METTL8: variants seen among roughly 807,000 people sequenced by gnomAD.
The protein encoded by METTL8 is methyltransferase 8, tRNA N3-cytidine.
A neutral mutation model predicts 48.7 loss-of-function variants in METTL8; 32 were observed. The ratio of observed to expected loss-of-function variants is 0.66; its 90% CI spans 0.50 to 0.88. The LOEUF is 0.88. METTL8 is among the 40% of genes least tolerant of loss of function. METTL8 has a pLI of 0.00. For synonymous variants in METTL8, 136 were observed against 157.1 expected (o/e 0.87, Z 1.01); for missense variants, 464 against 474.4 (o/e 0.98, Z 0.20).
At chr2:171,369,548 G>T (rs539979204) in intron 2 of METTL8, among the ~76,000 whole-genome samples, 1 of 152,154 alleles carries the variant, frequency 6.6e-6, no homozygotes, top group South Asian at 2.1e-4. Context: ...TATTGTTTTG[G>T]AATTAATAAA....
chr2:171,405,647 G>T (rs1690098271), intron 1 of METTL8, among the ~76,000 whole-genome samples: 1 of 152,052 alleles, frequency 6.6e-6, no homozygotes, highest in African/African-American at 2.4e-5. Flanking sequence ...GAGTATCATT[G>T]TAGGATGAGA....
rs147273229 is a variant in METTL8, at chr2:171,394,022, T to C, written c.-12-1825A>G. On this transcript the variant is annotated intron_variant, in intron 1 of 9. Transcript: ENST00000375258. ...TGCAGATGCTCCTGTTTCTTATTTG[T>C]TTTCCTTCTCCAGTAAATGCAAGCT... Among the ~76,000 whole-genome samples the C allele has an allele frequency of 9.1e-4, 138 of 152,314 alleles. 1 individual carries two copies. The highest frequency in any genetic ancestry group is 1.5e-3 in the Non-Finnish European group (103 of 68,022).
rs1483785003 is a variant in METTL8, at chr2:171,322,517, A to G, written c.*1655T>C. The G allele has an allele frequency of 6.6e-6, 1 of 151,346 alleles. No individual in the cohort carries two copies. The highest frequency in any genetic ancestry group is 1.5e-5 in the Non-Finnish European group (1 of 67,854). 9.4% of individuals were successfully genotyped at this position (151,346 alleles called of 1,614,324 possible). A position where few individuals can be genotyped will look rare whatever the true frequency, so the allele number is the denominator to read the frequency against. ...TTTGGGAGGCCGAGGCGGGCGGATC[A>G]CAAGGTCAGGAGATTGAGACCATCC... On this transcript the variant is annotated 3_prime_UTR_variant, in exon 10 of 10. Transcript: ENST00000375258.
At chr2:171,403,607 A>G (rs1689852276) in intron 1 of METTL8, among the ~76,000 whole-genome samples, 1 of 152,282 alleles carries the variant, frequency 6.6e-6, no homozygotes, top group Non-Finnish European at 1.5e-5. Flanking sequence ...ATGTATCAAT[A>G]TTGGTTCATT....
intron 2 of METTL8, among the ~76,000 whole-genome samples, chr2:171,377,393 T>G (rs1458348478): frequency 2.0e-5 from 3 of 152,110 alleles, no homozygotes; most frequent in Non-Finnish European, 4.4e-5. Context: ...AAATCAGACC[T>G]AGTTAAGCTG....
At chr2:171,429,833 A>C (rs1033177349) in intron 1 of METTL8, among the ~76,000 whole-genome samples, 1 of 152,146 alleles carries the variant, frequency 6.6e-6, no homozygotes, top group Admixed American at 6.5e-5. Flanking sequence ...TGAGGTCAGG[A>C]GTTTGAGACC....
intron 3 of METTL8, among the ~76,000 whole-genome samples, chr2:171,344,991 TG>T (rs1687129372): frequency 6.6e-6 from 1 of 152,300 alleles, no homozygotes; most frequent in South Asian, 2.1e-4. Context: ...TAATATAGCG[TG>T]GAGAAATCTG....
Position 171,320,341 on chromosome 2 carries a change from T to G in METTL8, c.*3831A>C, listed in dbSNP as rs1331298191. On this transcript the variant is annotated 3_prime_UTR_variant, in exon 10 of 10. Coordinates refer to ENST00000375258, the MANE Select transcript of METTL8 (RefSeq NM_001321154.2). The stretch of plus-strand genomic sequence containing the variant: ...TTTGTGTCTCACAGTCCAAATTTGG[T>G]TGATGTATTTTTGAAGCTTCTAAAG... The G allele has an allele frequency of 6.6e-6, 1 of 152,168 alleles. No homozygotes were observed. The highest frequency in any genetic ancestry group is 2.1e-4 in the South Asian group (1 of 4,824). 9.4% of individuals were successfully genotyped at this position (152,168 alleles called of 1,614,324 possible). A position where few individuals can be genotyped will look rare whatever the true frequency, so the allele number is the denominator to read the frequency against.
Position 171,331,863 on chromosome 2 carries a change from A to C in METTL8, c.661T>G (p.Ser221Ala). 6.3e-7 allele frequency: 1 copy of C among 1,593,442 alleles called. No individual in the cohort carries two copies. Among genetic ancestry groups the C allele is most frequent in the Non-Finnish European group, 8.6e-7 (1 of 1,168,350 alleles). The change falls in exon 6 of 10, where the codon TCT (serine) becomes GCT (alanine). Residue 221 changes from serine (S) to alanine (A), a missense_variant. By Grantham distance (99) the Ser-to-Ala change is moderately conservative. Coordinates refer to ENST00000375258, the MANE Select transcript of METTL8 (RefSeq NM_001321154.2). ...CAACAATACAGAAAGGACTCCGGAGAGTTCCTATGAAGATGGAAGAAATAT... is the reference window on the plus strand; with the variant it reads ...CAACAATACAGAAAGGACTCCGGAGCGTTCCTATGAAGATGGAAGAAATAT... ...VFPILNTLEN[S>A]PESFLYCCDF...
intron 3 of METTL8, among the ~76,000 whole-genome samples, chr2:171,355,741 C>T (rs1294442724): frequency 1.3e-5 from 2 of 152,206 alleles, no homozygotes; most frequent in Non-Finnish European, 2.9e-5. Context: ...ATGAGCGAGG[C>T]TCCGTGGGCG....
intron 1 of METTL8, among the ~76,000 whole-genome samples, chr2:171,417,228 A>G (rs1279930669): frequency 6.6e-6 from 1 of 152,216 alleles, no homozygotes; most frequent in African/African-American, 2.4e-5. Context: ...GGGATTCTCA[A>G]GTTCTGGTCC....
chr2:171,391,944 C>A, intron 2 of METTL8, 99 bp downstream of exon 2: 1 of 1,219,282 alleles, frequency 8.2e-7, no homozygotes, highest in East Asian at 2.6e-5. Flanking sequence ...TGAGTTAGGT[C>A]ATCAGCTTTA....
intron 3 of METTL8, among the ~76,000 whole-genome samples, chr2:171,342,325 T>C (rs1322885033): frequency 6.6e-6 from 1 of 152,224 alleles, no homozygotes; most frequent in Non-Finnish European, 1.5e-5. Context: ...TGGATCTTTG[T>C]AACAAAAGAA....
intron 3 of METTL8, among the ~76,000 whole-genome samples, chr2:171,346,892 G>A (rs574945989): frequency 6.6e-6 from 1 of 152,338 alleles, no homozygotes; most frequent in African/African-American, 2.4e-5. Flanking sequence ...GATCCCTACA[G>A]AAATTGCGCT....
chr2:171,357,689 T>A (rs937682090), intron 3 of METTL8, among the ~76,000 whole-genome samples: 5 of 151,842 alleles, frequency 3.3e-5, no homozygotes, highest in Non-Finnish European at 5.9e-5. Context: ...AATCCTGAAA[T>A]TTTTCTCTCT....
At chr2:171,337,370 T>C (rs1338998984) in intron 5 of METTL8, 83 bp downstream of exon 5, 2 of 987,170 alleles carry the variant, frequency 2.0e-6, no homozygotes, top group Non-Finnish European at 3.0e-6. Flanking sequence ...ACTACTGGCA[T>C]ACACGTGACA....
At chr2:171,326,416 T>G (rs1267568940) in intron 7 of METTL8, 4 of 354,952 alleles carry the variant, frequency 1.1e-5, no homozygotes, top group Middle Eastern at 7.5e-4. Flanking sequence ...TGACGTATGA[T>G]GTCAAAGCTA....
At position 171,396,657 on chromosome 2, in the gene METTL8, G is replaced by T. The variant is rs549915834; in HGVS notation, c.-12-4460C>A. 4.6e-5 allele frequency among the ~76,000 whole-genome samples: 7 copies of T among 152,256 alleles called. No homozygotes were observed. The South Asian group carries it at 1.4e-3, about 32-fold the overall frequency. On this transcript the variant is annotated intron_variant, in intron 1 of 9. Coordinates refer to ENST00000375258, the MANE Select transcript of METTL8 (RefSeq NM_001321154.2). ...AAATGTTAAGGAATTAAGCAACACA[G>T]CTATAAATAACCTATGAGTAAAAGA...
chr2:171,410,952 A>C (rs1240356085), intron 1 of METTL8, among the ~76,000 whole-genome samples: 2 of 152,242 alleles, frequency 1.3e-5, no homozygotes, highest in Non-Finnish European at 2.9e-5. Context: ...TTTTCTAAGA[A>C]GCCAAAGTTA....
Sources: gnomAD v4.1 joint callset for allele counts (sites outside exome capture counted in the v4.1 genomes callset) on GRCh38, gnomAD v4.1.1 for gene constraint, MANE v1.5 for transcripts, NCBI Gene and HGNC (gene_info 2026-07-23, HGNC 2026-07-21) for gene names.